The following LCORL variants were observed in gnomAD, a reference collection of about 807,000 sequenced individuals.
LCORL encodes ligand dependent nuclear receptor corepressor like, also known as ligand-dependent nuclear receptor corepressor-like protein.
A neutral mutation model predicts 141.8 loss-of-function variants in LCORL; 41 were observed. That is an observed-to-expected ratio of 0.29 (90% CI 0.23 to 0.38). The LOEUF (loss-of-function observed/expected upper bound fraction) is 0.38, where lower values mean the gene tolerates loss of function less well. Ranked by LOEUF, LCORL falls within the 10% of genes least tolerant of loss-of-function variation. The pLI, the probability that LCORL is intolerant of heterozygous loss-of-function variation, is 1.00. For missense variants in LCORL, 1,759 were observed against 2,035.0 expected (o/e 0.86, Z 2.61); for synonymous variants, 618 against 694.1 (o/e 0.89, Z 1.72).
chr4:17,940,616 G>A (rs767151927), intron 4 of LCORL, among the ~76,000 whole-genome samples: 11 of 151,026 alleles, frequency 7.3e-5, no homozygotes. Flanking sequence ...AATAATTAAA[G>A]ATATGATATA....
At chr4:17,940,898 A>C (rs1737842490) in intron 4 of LCORL, among the ~76,000 whole-genome samples, 1 of 152,206 alleles carries the variant, frequency 6.6e-6, no homozygotes, top group South Asian at 2.1e-4. Flanking sequence ...TGAAAATTAC[A>C]GCAGCAAAGT....
chr4:18,021,581 G>A lies in LCORL; in HGVS notation c.154+17C>T, dbSNP rs1725594082. 1.3e-6 allele frequency: 2 copies of A among 1,514,684 alleles called. No homozygotes were observed. Among genetic ancestry groups the A allele is most frequent in the African/African-American group, 1.5e-5 (1 of 68,766 alleles). 93.8% of individuals were successfully genotyped at this position (1,514,684 alleles called of 1,614,324 possible). ...TCGCCGCGCGGAGCCCGGGGCCCCG[G>A]CCCGCGTCTCTCTTACCTACACAGT... On this transcript the variant is annotated intron_variant, in intron 1 of 7. Coordinates refer to ENST00000635767, the Ensembl canonical transcript of LCORL. This position sits in a 1 kb window ranked among gnomAD's most constrained non-coding sequence, Gnocchi z 5.5.
In LCORL at chr4:17,966,796, T is replaced by C. The variant is rs78465444; in HGVS notation, c.221-3747A>G. ...CCAAAACACTGACATCAAATATTGGTGAGGATGTGCAGCAACAGGAACTTT... is the reference window on the plus strand; with the variant it reads ...CCAAAACACTGACATCAAATATTGGCGAGGATGTGCAGCAACAGGAACTTT... On this transcript the variant is annotated intron_variant, in intron 2 of 7. Transcript: ENST00000635767. 2.6e-3 allele frequency among the ~76,000 whole-genome samples: 402 copies of C among 152,238 alleles called. 3 individuals carry two copies. Among genetic ancestry groups the C allele is most frequent in the African/African-American group, 9.0e-3 (375 of 41,558 alleles).
At chr4:17,859,780 G>A (rs1243908060) in intron 7 of LCORL, among the ~76,000 whole-genome samples, 2 of 152,124 alleles carry the variant, frequency 1.3e-5, no homozygotes, top group African/African-American at 4.8e-5. Flanking sequence ...CAAAATCAAT[G>A]TACAAAAATC....
chr4:17,981,145 A>C (rs905626908), intron 1 of LCORL, among the ~76,000 whole-genome samples: 3 of 152,208 alleles, frequency 2.0e-5, no homozygotes, highest in African/African-American at 7.2e-5. Context: ...TATTGTTATT[A>C]CAAACATTGC....
At chr4:17,979,729 T>A (rs1717636803) in intron 1 of LCORL, among the ~76,000 whole-genome samples, 1 of 152,186 alleles carries the variant, frequency 6.6e-6, no homozygotes, top group Non-Finnish European at 1.5e-5. Context: ...AGAATGGAAG[T>A]GCTCTCCTCC....
rs1577634346 is a variant in LCORL, at chr4:17,983,333, T to C, written c.155-10448A>G. Among the ~76,000 whole-genome samples, 3 of 152,340 alleles carry C rather than the reference T, an allele frequency of 2.0e-5. No homozygotes were observed. The Middle Eastern group carries it at 0.01, about 518-fold the overall frequency. On this transcript the variant is annotated intron_variant, in intron 1 of 7. Transcript: ENST00000635767. ...ATTGACAGTTTGATAGAAATAGCAGTGAATCTATAAATTGCTTGGGGGAAA... is the reference window on the plus strand; with the variant it reads ...ATTGACAGTTTGATAGAAATAGCAGCGAATCTATAAATTGCTTGGGGGAAA...
intron 7 of LCORL, among the ~76,000 whole-genome samples, chr4:17,871,564 T>C (rs993595352): frequency 3.3e-5 from 5 of 152,000 alleles, no homozygotes; most frequent in African/African-American, 9.7e-5. Flanking sequence ...CAAAATACGG[T>C]TCTGTTGTAA....
At chr4:17,887,645 C>A (rs1445522264) in intron 5 of LCORL, among the ~76,000 whole-genome samples, 1 of 152,150 alleles carries the variant, frequency 6.6e-6, no homozygotes, top group African/African-American at 2.4e-5. Flanking sequence ...AGAGGTTAAA[C>A]AGGGCCATTG....
At chr4:17,886,521 G>T (rs528611341) in intron 5 of LCORL, among the ~76,000 whole-genome samples, 2 of 152,128 alleles carry the variant, frequency 1.3e-5, no homozygotes, top group South Asian at 2.1e-4. Context: ...GCTTTGGGAA[G>T]GTGGGAGTGA....
At chr4:17,886,732 G>A (rs116355984) in intron 5 of LCORL, among the ~76,000 whole-genome samples, 5,463 of 151,884 alleles carry the variant, frequency 0.036, 126 homozygotes, top group African/African-American at 0.062. Context: ...ATAATAAATT[G>A]TGCTTATATC....
In LCORL at chr4:17,873,959, A is replaced by T. The variant is rs1476129500; in HGVS notation, c.5031T>A (p.Pro1677=). 4.1e-6 allele frequency: 5 copies of T among 1,233,954 alleles called. No homozygotes were observed. The African/African-American group carries it at 6.2e-5, about 15-fold the overall frequency. The allele number at this position is 1,233,954 out of a possible 1,614,324, so 76.4% of individuals were successfully genotyped here. The change falls in exon 7 of 8, where the codon CCT becomes CCA. Residue 1677 remains proline, a synonymous_variant. Coordinates refer to ENST00000635767, the Ensembl canonical transcript of LCORL. Reference sequence around the variant, plus strand: ...CAAAACTAGCATGTATTTTGAAGTCAGGCATTACTACCCTCTGCTGCAAGT... The same window carrying T: ...CAAAACTAGCATGTATTTTGAAGTCTGGCATTACTACCCTCTGCTGCAAGT...
chr4:17,986,661 G>A (rs913926402), intron 1 of LCORL, among the ~76,000 whole-genome samples: 1 of 151,994 alleles, frequency 6.6e-6, no homozygotes, highest in South Asian at 2.1e-4. Context: ...TTGTCTGTCA[G>A]CTCCCGTATC....
exon 8 of LCORL, chr4:17,845,289 AC>A (rs1722804467): frequency 6.5e-6 from 1 of 154,410 alleles, no homozygotes; most frequent in Non-Finnish European, 1.4e-5. Context: ...TCTAAGAGAT[AC>A]CTTTGCCTTT....
intron 2 of LCORL, among the ~76,000 whole-genome samples, chr4:17,969,810 T>A: frequency 6.6e-6 from 1 of 152,082 alleles, no homozygotes; most frequent in Non-Finnish European, 1.5e-5. Flanking sequence ...TGCAAAACTA[T>A]GTTAAAATAA....
At chr4:17,925,668 G>A (rs1038562291) in intron 4 of LCORL, among the ~76,000 whole-genome samples, 9 of 151,976 alleles carry the variant, frequency 5.9e-5, no homozygotes, top group Admixed American at 3.3e-4. Flanking sequence ...TCAGAAGATC[G>A]AGACCATCCT....
chr4:17,906,218 CAA>C (rs1158476851), intron 5 of LCORL, among the ~76,000 whole-genome samples: 2 of 152,128 alleles, frequency 1.3e-5, no homozygotes, highest in Non-Finnish European at 1.5e-5. Context: ...GTTTGGTATG[CAA>C]GTAGACAAAT....
At chr4:17,878,437 G>A in intron 6 of LCORL, among the ~76,000 whole-genome samples, 1 of 151,276 alleles carries the variant, frequency 6.6e-6, no homozygotes, top group Admixed American at 6.6e-5. Flanking sequence ...CCCTATTTTT[G>A]CAATATAAAA....
chr4:17,867,719 T>C (rs1374370139), intron 7 of LCORL, among the ~76,000 whole-genome samples: 1 of 152,170 alleles, frequency 6.6e-6, no homozygotes, highest in Non-Finnish European at 1.5e-5. Context: ...GTTTGTTAAA[T>C]AAACTGAATG....
Sources: allele counts gnomAD v4.1 joint callset (sites outside exome capture counted in the v4.1 genomes callset), GRCh38; gene constraint gnomAD v4.1.1; non-coding constraint Gnocchi (gnomAD v3.1); transcripts MANE v1.5; gene names NCBI Gene and HGNC (gene_info 2026-07-23, HGNC 2026-07-21).